HNRNPF: variants seen among roughly 807,000 people sequenced by gnomAD.
The protein encoded by HNRNPF is heterogeneous nuclear ribonucleoprotein F.
In HNRNPF, 2 loss-of-function variants were observed where a neutral mutation model predicts 26.0. The observed-to-expected ratio is 0.08, with a 90% confidence interval of 0.03 to 0.24. The LOEUF is 0.24. HNRNPF is among the 10% of genes least tolerant of loss of function. The pLI is 1.00. For synonymous variants in HNRNPF, 234 were observed against 211.5 expected, an observed-to-expected ratio of 1.11 and a Z score of -0.92; for missense variants, 299 against 539.2, an observed-to-expected ratio of 0.55 and a Z score of 4.41.
In HNRNPF at chr10:43,387,862, C is replaced by T; in HGVS notation, c.23G>A (p.Gly8Asp). The T allele has an allele frequency of 6.2e-7, 1 of 1,611,376 alleles. No homozygotes were observed. Among genetic ancestry groups the T allele is most frequent in the Non-Finnish European group, 8.5e-7 (1 of 1,177,738 alleles). ...ACGGAGCTTGACCACAAAGCCTTCA[C>T]CTCCCTCAGGGCCCAGCATCATGGA... MMLGPEG[G>D]EGFVVKLRGL... Residue 8 changes from glycine to aspartate, a missense_variant, in exon 4 of 4, where the codon GGT becomes GAT. Physicochemically the swap from Gly to Asp is moderately conservative, Grantham distance 94 (BLOSUM62 -1). Around this residue, in one of 6 missense-constraint regions of HNRNPF, gnomAD observed 104 missense variants for 239.0 expected, o/e 0.44. Transcript: ENST00000682386. This position sits in a 1 kb window ranked among gnomAD's most constrained non-coding sequence, Gnocchi z 6.0.
At position 43,386,736 on chromosome 10, in the gene HNRNPF, A is replaced by G; in HGVS notation, c.1149T>C (p.Ser383=). The part of the protein sequence containing the change: ...SSQVMQGMGV[S]AAQATYSGLE... ...GGCCACTGTAAGTGGCCTGGGCAGC[A>G]GACACCCCCATGCCTTGCATCACCT... Residue 383 remains serine, a synonymous_variant, in exon 4 of 4, where the codon TCT becomes TCC. Coordinates refer to ENST00000682386, the MANE Select transcript of HNRNPF (RefSeq NM_001098204.2). 6.2e-7 allele frequency: 1 copy of G among 1,614,166 alleles called. No individual in the cohort carries two copies. The highest frequency in any genetic ancestry group is 8.5e-7 in the Non-Finnish European group (1 of 1,180,030).
intron 1 of HNRNPF, among the ~76,000 whole-genome samples, chr10:43,406,147 A>C (rs980849886): frequency 6.6e-6 from 1 of 152,208 alleles, no homozygotes; most frequent in South Asian, 2.1e-4. Context: ...GGTTCTCCCG[A>C]AGAGCAGAGA....
intron 1 of HNRNPF, among the ~76,000 whole-genome samples, chr10:43,406,052 ATAGCAAGCCCTTCTGGAG>A (rs1456647238): frequency 6.6e-6 from 1 of 152,166 alleles, no homozygotes; most frequent in Non-Finnish European, 1.5e-5. Context: ...CATGGGGCTA[ATAGCAAGCCCTTCTGGAG>A]TAGTCCTGAG....
intron 3 of HNRNPF, among the ~76,000 whole-genome samples, chr10:43,391,769 C>T (rs1588989931): frequency 6.6e-6 from 1 of 152,172 alleles, no homozygotes; most frequent in African/African-American, 2.4e-5. Flanking sequence ...ATGCTTTCTT[C>T]TTTTTTTCCT....
chr10:43,407,185 C>T (rs1477774317), intron 1 of HNRNPF, among the ~76,000 whole-genome samples: 1 of 151,384 alleles, frequency 6.6e-6, no homozygotes, highest in Admixed American at 6.6e-5. Context: ...GAGGCTGTGG[C>T]CCTGACCCCG....
chr10:43,393,655 G>A (rs145253808), intron 3 of HNRNPF, among the ~76,000 whole-genome samples: 2 of 151,388 alleles, frequency 1.3e-5, no homozygotes, highest in South Asian at 2.1e-4. Context: ...TCCCATCTAC[G>A]GCTCACGTGT....
chr10:43,406,630 GGCAGCGAGCCGAGATCACA>G (rs1378004856), intron 1 of HNRNPF, among the ~76,000 whole-genome samples: 4 of 152,024 alleles, frequency 2.6e-5, no homozygotes, highest in Non-Finnish European at 5.9e-5. Context: ...GGAGGATCTC[GGCAGCGAGCCGAGATCACA>G]CCATTGCACT....
intron 1 of HNRNPF, chr10:43,396,886 G>A (rs1411679393): frequency 2.6e-5 from 3 of 116,024 alleles, no homozygotes; most frequent in Non-Finnish European, 5.3e-5. Flanking sequence ...AGGGCGCCTC[G>A]CGGGAGGGGG....
At position 43,387,209 on chromosome 10, in the gene HNRNPF, C is replaced by A. The variant is rs1397367546; in HGVS notation, c.676G>T (p.Ala226Ser). Residue 226 changes from alanine (A) to serine (S), a missense_variant, in exon 4 of 4, where the codon GCA (alanine) becomes TCA (serine). Coordinates refer to ENST00000682386, the MANE Select transcript of HNRNPF (RefSeq NM_001098204.2). The surrounding 1 kb of genome is among the most constrained non-coding windows in gnomAD (Gnocchi z 6.0). Reference sequence around the variant, plus strand: ...CCAGGCCTCATCCTTTCCAGGCCTGCCTGCTTCACGATGCCAATGTACCTC... The same window carrying A: ...CCAGGCCTCATCCTTTCCAGGCCTGACTGCTTCACGATGCCAATGTACCTC... Reference protein sequence around the residue: ...ARRYIGIVKQAGLERMRPGAY... With the variant: ...ARRYIGIVKQSGLERMRPGAY... The A allele has an allele frequency of 6.2e-7, 1 of 1,614,062 alleles. No individual in the cohort carries two copies.
At chr10:43,408,267 T>G (rs1838994946) in intron 1 of HNRNPF, among the ~76,000 whole-genome samples, 1 of 152,098 alleles carries the variant, frequency 6.6e-6, no homozygotes, top group South Asian at 2.1e-4. Context: ...CACCCGGCCG[T>G]CCGTGCCTTC....
chr10:43,395,916 G>A (rs1315864791), intron 2 of HNRNPF, among the ~76,000 whole-genome samples: 1 of 152,184 alleles, frequency 6.6e-6, no homozygotes, highest in Non-Finnish European at 1.5e-5. Flanking sequence ...CGCAGAGGAA[G>A]AGTCTGGTCT....
chr10:43,401,113 G>A (rs1195253903), intron 1 of HNRNPF, among the ~76,000 whole-genome samples: 1 of 151,812 alleles, frequency 6.6e-6, no homozygotes, highest in Non-Finnish European at 1.5e-5. Context: ...GCTGCAGATG[G>A]AGCATATATT....
rs141070044 is a variant in HNRNPF, at chr10:43,386,706, C to T, written c.1179G>A (p.Glu393=). The T allele has an allele frequency of 3.5e-4, 559 of 1,612,934 alleles. No homozygotes were observed. Among genetic ancestry groups the T allele is most frequent in the South Asian group, 5.2e-4 (47 of 90,972 alleles). ...CGTAACAGCCACTCACTGACTGGCTCTCCAGGCCACTGTAAGTGGCCTGGG... is the reference window on the plus strand; with the variant it reads ...CGTAACAGCCACTCACTGACTGGCTTTCCAGGCCACTGTAAGTGGCCTGGG... ...SAAQATYSGL[E]SQSVSGCYGA... The change falls in exon 4 of 4, where the codon GAG becomes GAA. Residue 393 remains glutamate, a synonymous_variant. Coordinates refer to ENST00000682386, the MANE Select transcript of HNRNPF (RefSeq NM_001098204.2).
intron 1 of HNRNPF, among the ~76,000 whole-genome samples, chr10:43,397,762 TATG>T (rs1422239660): frequency 1.3e-5 from 2 of 152,226 alleles, no homozygotes; most frequent in African/African-American, 4.8e-5. Context: ...ATTTCGATAA[TATG>T]ATCAGTGACA....
At chr10:43,407,814 G>A (rs1041662198) in intron 1 of HNRNPF, 4 of 152,326 alleles carry the variant, frequency 2.6e-5, no homozygotes, top group Admixed American at 2.0e-4. Context: ...AAGGCTACGG[G>A]AACCGGGCGT....
Position 43,403,139 on chromosome 10 carries a change from C to T in HNRNPF, c.-247+5992G>A, listed in dbSNP as rs548632766. Among the ~76,000 whole-genome samples, 11 of 152,282 alleles carry T rather than the reference C, an allele frequency of 7.2e-5. No individual in the cohort carries two copies. The South Asian group carries it at 2.3e-3, about 32-fold the overall frequency. On this transcript the variant is annotated intron_variant, in intron 1 of 3. Transcript: ENST00000682386. Reference sequence around the variant, plus strand: ...CACCTCCTGAGTTCAAGCAATTCTCCTGCCTCAGCCTGGGATTACAGATGC... The same window carrying T: ...CACCTCCTGAGTTCAAGCAATTCTCTTGCCTCAGCCTGGGATTACAGATGC...
intron 1 of HNRNPF, among the ~76,000 whole-genome samples, chr10:43,398,527 G>C (rs941270119): frequency 6.6e-6 from 1 of 151,632 alleles, no homozygotes; most frequent in Non-Finnish European, 1.5e-5. Context: ...ATTTTTAGTA[G>C]AGACAGGGTT....
intron 1 of HNRNPF, among the ~76,000 whole-genome samples, chr10:43,403,430 T>C (rs1333108097): frequency 6.6e-6 from 1 of 152,210 alleles, no homozygotes. Flanking sequence ...TTGGAATTGA[T>C]TTTTTCATTT....
chr10:43,397,774 C>T (rs191031223), intron 1 of HNRNPF, among the ~76,000 whole-genome samples: 9 of 152,282 alleles, frequency 5.9e-5, no homozygotes, highest in African/African-American at 2.2e-4. Flanking sequence ...TGATCAGTGA[C>T]ATTTTATATT....
Sources: allele counts gnomAD v4.1 joint callset (sites outside exome capture counted in the v4.1 genomes callset), GRCh38; gene constraint gnomAD v4.1.1; regional missense constraint gnomAD v4.1.1; non-coding constraint Gnocchi (gnomAD v3.1); transcripts MANE v1.5; gene names NCBI Gene and HGNC (gene_info 2026-07-23, HGNC 2026-07-21).